The following NUP133 variants were observed in gnomAD, a reference collection of about 807,000 sequenced individuals.
The protein encoded by NUP133 is nuclear pore complex protein Nup133.
A neutral mutation model predicts 146.2 loss-of-function variants in NUP133; 66 were observed. That is an observed-to-expected ratio of 0.45 (90% CI 0.37 to 0.55). The LOEUF (loss-of-function observed/expected upper bound fraction) is 0.55. Ranked by LOEUF, NUP133 falls within the 20% of genes least tolerant of loss-of-function variation. The probability of loss-of-function intolerance (pLI) is 0.00; values close to 1 mark genes in which losing one functional copy is unlikely to be tolerated. For missense variants in NUP133, 1,277 were observed against 1,374.8 expected (o/e 0.93, Z 1.12); for synonymous variants, 521 against 498.8 (o/e 1.04, Z -0.59).
At position 229,506,241 on chromosome 1, in the gene NUP133, AAGG is replaced by A. The variant is rs1005036079; in HGVS notation, c.183-86_183-84del. On this transcript the variant is annotated intron_variant, in intron 1 of 25. Transcript: ENST00000261396. ...TTTTTTATGTATATATTTTCACAGT[AAGG>A]AGTTCTTTGAAAAAAATTAACACTG... 31 of 709,056 alleles carry A rather than the reference AAGG, an allele frequency of 4.4e-5. No homozygotes were observed. The African/African-American group carries it at 5.0e-4, about 11-fold the overall frequency. 43.9% of individuals were successfully genotyped at this position (709,056 alleles called of 1,614,324 possible). A position where few individuals can be genotyped will look rare whatever the true frequency, so the allele number is the denominator to read the frequency against.
chr1:229,467,088 A>G (rs1660843173), intron 15 of NUP133, among the ~76,000 whole-genome samples: 1 of 152,210 alleles, frequency 6.6e-6, no homozygotes, highest in Non-Finnish European at 1.5e-5. Context: ...ACAATGTAAT[A>G]CCCCAAACTA....
In NUP133 at chr1:229,440,813, C is replaced by G. The variant is rs908708537; in HGVS notation, c.*1091G>C. Reference sequence around the variant, plus strand: ...TTACAAACAGCTCCATTAACCTGCTCTTCCAAACATACTCAAGGGCTGGCC... The same window carrying G: ...TTACAAACAGCTCCATTAACCTGCTGTTCCAAACATACTCAAGGGCTGGCC... On this transcript the variant is annotated 3_prime_UTR_variant, in exon 26 of 26. Coordinates refer to ENST00000261396, the MANE Select transcript of NUP133 (RefSeq NM_018230.3). The G allele has an allele frequency of 6.6e-6, 1 of 152,560 alleles. No individual in the cohort carries two copies. Among genetic ancestry groups the G allele is most frequent in the African/African-American group, 2.4e-5 (1 of 41,476 alleles). 9.5% of individuals were successfully genotyped at this position (152,560 alleles called of 1,614,324 possible).
intron 12 of NUP133, among the ~76,000 whole-genome samples, chr1:229,482,834 T>C (rs1217246524): frequency 6.6e-6 from 1 of 152,112 alleles, no homozygotes; most frequent in African/African-American, 2.4e-5. Flanking sequence ...CTGTGATACA[T>C]GAATAAGCCC....
At position 229,441,711 on chromosome 1, in the gene NUP133, A is replaced by G. The variant is rs1660186999; in HGVS notation, c.*193T>C. The G allele has an allele frequency of 6.1e-6, 3 of 492,360 alleles. No homozygotes were observed. Among genetic ancestry groups the G allele is most frequent in the Non-Finnish European group, 1.1e-5 (3 of 278,876 alleles). The allele number at this position is 492,360 out of a possible 1,614,324, so 30.5% of individuals were successfully genotyped here. On this transcript the variant is annotated 3_prime_UTR_variant, in exon 26 of 26. Transcript: ENST00000261396. Reference sequence around the variant, plus strand: ...AACAACTGACACATTTCAGGTGGAAAAAACAAGTCACATAACTGAAAACCA... The same window carrying G: ...AACAACTGACACATTTCAGGTGGAAGAAACAAGTCACATAACTGAAAACCA...
intron 21 of NUP133, among the ~76,000 whole-genome samples, chr1:229,457,614 T>C (rs1660599182): frequency 6.6e-6 from 1 of 152,224 alleles, no homozygotes; most frequent in Admixed American, 6.5e-5. Flanking sequence ...TTGCATTATT[T>C]TTGTTGTTTT....
In NUP133 at chr1:229,502,097, C is replaced by T. The variant is rs758783632; in HGVS notation, c.307G>A (p.Asp103Asn). 6.2e-7 allele frequency: 1 copy of T among 1,612,448 alleles called. No homozygotes were observed. Among genetic ancestry groups the T allele is most frequent in the East Asian group, 2.2e-5 (1 of 44,848 alleles). ...MEALTLAEVD[D>N]QLTINIDEGG... ...TCATCTATGTTAATGGTCAGCTGGT[C>T]ATCGACTAAAGGAAAAAATGAGGTG... The change falls in exon 3 of 26, where the codon GAC (aspartate) becomes AAC (asparagine). Residue 103 changes from aspartate (D) to asparagine (N), a missense_variant. Asp to Asn is a conservative substitution (Grantham distance 23, BLOSUM62 1). Transcript: ENST00000261396.
Position 229,450,577 on chromosome 1 carries a change from G to C in NUP133, c.3128C>G (p.Ala1043Gly). ...AGCTTTCTTGAAATCATATTCATTA[G>C]CTCTTCTATTTTCTTCACAGATATA... is the stretch of plus-strand genomic sequence containing the variant. ...GLYICEENRR[A>G]NEYDFKKALD... The change falls in exon 23 of 26, where the codon GCT (alanine) becomes GGT (glycine). Residue 1043 changes from alanine to glycine, a missense_variant. Ala to Gly is a moderately conservative substitution (Grantham distance 60). Around this residue, in one of 3 missense-constraint regions of NUP133, gnomAD observed 952 missense variants for 1,047.0 expected, o/e 0.91. Transcript: ENST00000261396. 2 of 1,580,484 alleles carry C rather than the reference G, an allele frequency of 1.3e-6. No homozygotes were observed. The highest frequency in any genetic ancestry group is 1.7e-6 in the Non-Finnish European group (2 of 1,155,492).
At position 229,477,669 on chromosome 1, in the gene NUP133, T is replaced by C; in HGVS notation, c.1684A>G (p.Thr562Ala). 2 of 1,614,044 alleles carry C rather than the reference T, an allele frequency of 1.2e-6. No homozygotes were observed. Among genetic ancestry groups the C allele is most frequent in the African/African-American group, 2.7e-5 (2 of 75,002 alleles). ...DSDSELDRAV[T>A]QISVDLMDDY... ...TCCATCAGGTCTACACTGATTTGGG[T>C]AACTGCCCTGTCTAGTTCAGAATCA... Residue 562 changes from threonine to alanine, a missense_variant, in exon 13 of 26, where the codon ACC becomes GCC. Thr to Ala is a moderately conservative substitution (Grantham distance 58). Transcript: ENST00000261396.
intron 21 of NUP133, among the ~76,000 whole-genome samples, chr1:229,455,743 A>G (rs1473726733): frequency 6.6e-6 from 1 of 152,156 alleles, no homozygotes. Context: ...TGCAGACATC[A>G]TGACATTTCA....
chr1:229,488,333 A>C (rs1389244943), intron 9 of NUP133, among the ~76,000 whole-genome samples: 1 of 152,218 alleles, frequency 6.6e-6, no homozygotes, highest in African/African-American at 2.4e-5. Context: ...CTGCCAAGAT[A>C]TTAATGACAA....
intron 15 of NUP133, among the ~76,000 whole-genome samples, chr1:229,467,531 T>A (rs557641089): frequency 6.6e-6 from 1 of 152,372 alleles, no homozygotes; most frequent in South Asian, 2.1e-4. Flanking sequence ...GCATTTCTGA[T>A]GTTAGCCAAA....
chr1:229,495,960 A>C lies in NUP133; in HGVS notation c.907T>G (p.Ser303Ala). Reference protein sequence around the residue: ...NISKWELDDSSEKHAYSWDIN... With the variant: ...NISKWELDDSAEKHAYSWDIN... The stretch of plus-strand genomic sequence containing the variant: ...TCCCAACTGTATGCATGCTTTTCTG[A>C]AGAATCATCTAATTCCCATTTACTG... The change falls in exon 7 of 26, where the codon TCA (serine) becomes GCA (alanine). Residue 303 changes from serine to alanine, a missense_variant. Transcript: ENST00000261396. The C allele has an allele frequency of 6.2e-7, 1 of 1,612,326 alleles. No homozygotes were observed. Among genetic ancestry groups the C allele is most frequent in the Non-Finnish European group, 8.5e-7 (1 of 1,179,240 alleles).
At chr1:229,484,886 A>T (rs1661309886) in intron 11 of NUP133, among the ~76,000 whole-genome samples, 1 of 152,186 alleles carries the variant, frequency 6.6e-6, no homozygotes, top group Non-Finnish European at 1.5e-5. Flanking sequence ...ACAAAATGCA[A>T]GGTATTAATC....
intron 17 of NUP133, 152 bp from the exon 18 acceptor site, chr1:229,465,027 A>C (rs1660779999): frequency 1.1e-6 from 1 of 886,822 alleles, no homozygotes; most frequent in Non-Finnish European, 1.7e-6. Flanking sequence ...CCCTGCTTGA[A>C]TCCCATCTTC....
intron 16 of NUP133, among the ~76,000 whole-genome samples, chr1:229,465,758 C>T (rs543126073): frequency 2.6e-5 from 4 of 151,900 alleles, no homozygotes; most frequent in Non-Finnish European, 4.4e-5. Flanking sequence ...GGCATCGTGG[C>T]GTGCACCTAC....
At chr1:229,498,350 G>A in intron 5 of NUP133, 44 bp from the exon 6 acceptor site, 1 of 1,375,310 alleles carries the variant, frequency 7.3e-7, no homozygotes, top group East Asian at 2.6e-5. Flanking sequence ...AGCATCGAAT[G>A]CTAAGATAAA....
intron 5 of NUP133, 87 bp downstream of exon 5, chr1:229,499,597 C>G: frequency 5.7e-6 from 8 of 1,393,038 alleles, no homozygotes; most frequent in Non-Finnish European, 7.8e-6. Context: ...AAGGAGATCC[C>G]ACCTCTATTT....
rs904039247 is a variant in NUP133 at position 229,495,461 on chromosome 1, TCTC to T, written c.1046+31_1046+33del. 4 of 1,481,466 alleles carry T rather than the reference TCTC, an allele frequency of 2.7e-6. No individual in the cohort carries two copies. In the African/African-American group the frequency reaches 5.6e-5, roughly 21 times the overall value. The allele number at this position is 1,481,466 out of a possible 1,614,324, so 91.8% of individuals were successfully genotyped here. A position where few individuals can be genotyped will look rare whatever the true frequency, so the allele number is the denominator to read the frequency against. On this transcript the variant is annotated intron_variant, in intron 8 of 25. Transcript: ENST00000261396. ...CATCAACTTATTTTTTCCAAACTCTTCTCTATGTTCTTTACGACAAATTAATTG... is the reference window on the plus strand; with the variant it reads ...CATCAACTTATTTTTTCCAAACTCTTTATGTTCTTTACGACAAATTAATTG...
chr1:229,441,513 T>C lies in NUP133; in HGVS notation c.*391A>G. 1.9e-6 allele frequency: 1 copy of C among 515,864 alleles called. No individual in the cohort carries two copies. The highest frequency in any genetic ancestry group is 4.0e-6 in the Non-Finnish European group (1 of 251,836). The allele number at this position is 515,864 out of a possible 1,614,324, so 32.0% of individuals were successfully genotyped here. A position where few individuals can be genotyped will look rare whatever the true frequency, so the allele number is the denominator to read the frequency against. On this transcript the variant is annotated 3_prime_UTR_variant, in exon 26 of 26. Coordinates refer to ENST00000261396, the MANE Select transcript of NUP133 (RefSeq NM_018230.3). The stretch of plus-strand genomic sequence containing the variant: ...ACCCTAGATTCTCTTCAGTGCAAAG[T>C]ATCTGGAGTCACAGCAATTTTAGAG...
Sources: gnomAD v4.1 joint callset for allele counts (sites outside exome capture counted in the v4.1 genomes callset) on GRCh38, gnomAD v4.1.1 for gene constraint, gnomAD v4.1.1 regional missense constraint, MANE v1.5 for transcripts, NCBI Gene and HGNC (gene_info 2026-07-23, HGNC 2026-07-21) for gene names.